Variants in CTPS1 observed in about 807,000 individuals in gnomAD.
CTPS1 encodes CTP synthetase 1.
A neutral mutation model predicts 80.5 loss-of-function variants in CTPS1; 25 were observed. The ratio of observed to expected loss-of-function variants is 0.31; its 90% CI spans 0.23 to 0.43. The LOEUF (loss-of-function observed/expected upper bound fraction) is 0.43, where lower values mean the gene tolerates loss of function less well. Ranked by LOEUF, CTPS1 falls within the 20% of genes least tolerant of loss-of-function variation. CTPS1 has a pLI of 1.00. For missense variants in CTPS1, 442 were observed against 725.7 expected (o/e 0.61, Z 4.49); for synonymous variants, 267 against 252.5 (o/e 1.06, Z -0.54).
chr1:40,981,584 G>A (rs186571794), intron 1 of CTPS1, among the ~76,000 whole-genome samples: 17 of 152,292 alleles, frequency 1.1e-4, no homozygotes, highest in Admixed American at 1.0e-3. Context: ...GAGAGACTTA[G>A]GGTCAGATAA....
intron 5 of CTPS1, among the ~76,000 whole-genome samples, chr1:40,988,995 C>T (rs1053645059): frequency 1.3e-5 from 2 of 152,120 alleles, no homozygotes; most frequent in Admixed American, 1.3e-4. Context: ...TTTTTAAAGA[C>T]AAATCTTGTG....
chr1:40,979,873 G>C (rs1487097569), intron 1 of CTPS1, 44 bp downstream of exon 1: 1 of 152,188 alleles, frequency 6.6e-6, no homozygotes, highest in African/African-American at 2.4e-5. Flanking sequence ...GTTCTCCCGC[G>C]CAGGAGTCAG....
chr1:41,002,904 C>T (rs549118405), intron 11 of CTPS1, among the ~76,000 whole-genome samples: 1 of 152,286 alleles, frequency 6.6e-6, no homozygotes, highest in South Asian at 2.1e-4. Context: ...CTTTGCAAAT[C>T]TAGAATTTTC....
intron 13 of CTPS1, 83 bp downstream of exon 13, chr1:41,006,177 G>T: frequency 5.1e-6 from 6 of 1,165,068 alleles, no homozygotes; most frequent in Admixed American, 3.6e-5. Flanking sequence ...TTAGAGACAA[G>T]AAGTGAGACT....
intron 12 of CTPS1, among the ~76,000 whole-genome samples, chr1:41,005,720 A>T (rs1251783160): frequency 6.6e-6 from 1 of 152,112 alleles, no homozygotes; most frequent in African/African-American, 2.4e-5. Context: ...TAGCCTGGCA[A>T]TATAGCCTTT....
At chr1:41,004,551 G>A (rs1018694728) in intron 12 of CTPS1, among the ~76,000 whole-genome samples, 9 of 152,208 alleles carry the variant, frequency 5.9e-5, no homozygotes, top group African/African-American at 2.2e-4. Context: ...TTACACTTCA[G>A]TTGAGACTGG....
rs1273058626 is a variant in CTPS1 at position 40,997,513 on chromosome 1, A to C, written c.992A>C (p.Lys331Thr). ...LEHSALAINHKLEIKYIDSAD... is the reference protein window; with the variant it reads ...LEHSALAINHTLEIKYIDSAD... ...CATTCTGCACTGGCCATCAACCACA[A>C]ATTGGAAATCAAGGTAAGGAGGGTG... The change falls in exon 9 of 19, where the codon AAA (lysine) becomes ACA (threonine). Residue 331 changes from lysine (K) to threonine (T), a missense_variant. Lys to Thr is a moderately conservative substitution (Grantham distance 78). This residue lies in a region of CTPS1 where 321 missense variants were observed against 467.2 expected (regional missense o/e 0.69). Coordinates refer to ENST00000650070, the MANE Select transcript of CTPS1 (RefSeq NM_001905.4). 6.2e-7 allele frequency: 1 copy of C among 1,613,802 alleles called. No individual in the cohort carries two copies. Among genetic ancestry groups the C allele is most frequent in the Admixed American group, 1.7e-5 (1 of 59,948 alleles).
intron 18 of CTPS1, among the ~76,000 whole-genome samples, 190 bp downstream of exon 18, chr1:41,010,444 G>A (rs1643143816): frequency 6.6e-6 from 1 of 152,208 alleles, no homozygotes; most frequent in Non-Finnish European, 1.5e-5. Context: ...CAAATGGGCA[G>A]CCCTTCCTCC....
rs533528542 is a variant in CTPS1 at position 40,994,068 on chromosome 1, C to T, written c.721-1849C>T. 1.8e-4 allele frequency among the ~76,000 whole-genome samples: 28 copies of T among 152,230 alleles called. 1 individual carries two copies. Among genetic ancestry groups the T allele is most frequent in the South Asian group, 8.3e-4 (4 of 4,822 alleles). On this transcript the variant is annotated intron_variant, in intron 7 of 18. Coordinates refer to ENST00000650070, the MANE Select transcript of CTPS1 (RefSeq NM_001905.4). Reference sequence around the variant, plus strand: ...TGCTGGGATTACAGGTGTGAGCCACCGCACCTGGCCTTCATTTTCTTAATA... The same window carrying T: ...TGCTGGGATTACAGGTGTGAGCCACTGCACCTGGCCTTCATTTTCTTAATA...
chr1:41,009,741 C>T (rs938344139), intron 17 of CTPS1, 152 bp downstream of exon 17: 3 of 921,162 alleles, frequency 3.3e-6, no homozygotes, highest in Non-Finnish European at 3.2e-6. Context: ...CCGGAGCTTT[C>T]TCACGGTGTT....
rs981235125 is a variant in CTPS1, at chr1:41,002,163, A to C, written c.1098A>C (p.Gly366=). 20 of 1,613,942 alleles carry C rather than the reference A, an allele frequency of 1.2e-5. No homozygotes were observed. Among genetic ancestry groups the C allele is most frequent in the Non-Finnish European group, 1.7e-5 (20 of 1,179,952 alleles). Residue 366 remains glycine (G), a synonymous_variant, in exon 11 of 19, where the codon GGA becomes GGC. Coordinates refer to ENST00000650070, the MANE Select transcript of CTPS1 (RefSeq NM_001905.4). ...TGTGGTTTGTTCTTTTGTGCAGTGG[A>C]GTGCTGGTTCCAGGAGGATTTGGTG... ...EAWQKLCSAH[G]VLVPGGFGVR... is the part of the protein sequence containing the mutation.
chr1:40,980,307 GCCGC>G lies in CTPS1; in HGVS notation c.-14+482_-14+485del, dbSNP rs1351089983. On this transcript the variant is annotated intron_variant, in intron 1 of 18. Transcript: ENST00000650070. ...GGCCTCCGGCCTCGGCGCGGGCTCA[GCCGC>G]CCGGGGCTGGGCGCGGCAGCTCCGC... 4 of 151,970 alleles carry G rather than the reference GCCGC, an allele frequency of 2.6e-5. 1 individual carries two copies. Among genetic ancestry groups the G allele is most frequent in the Non-Finnish European group, 5.9e-5 (4 of 67,972 alleles). The allele number at this position is 151,970 out of a possible 1,614,324, so 9.4% of individuals were successfully genotyped here. A position where few individuals can be genotyped will look rare whatever the true frequency, so the allele number is the denominator to read the frequency against.
chr1:40,993,772 CTCTT>C (rs1642678255), intron 7 of CTPS1, among the ~76,000 whole-genome samples: 1 of 118,312 alleles, frequency 8.5e-6, no homozygotes, highest in African/African-American at 2.8e-5. Flanking sequence ...ATTTTCTTCT[CTCTT>C]TTTTTTTTTT....
At chr1:41,000,473 G>A (rs1015480157) in intron 9 of CTPS1, among the ~76,000 whole-genome samples, 3 of 149,608 alleles carry the variant, frequency 2.0e-5, no homozygotes, top group African/African-American at 2.5e-5. Context: ...GGCTAGTCTC[G>A]AACTCCTGAC....
rs1298909394 is a variant in CTPS1, at chr1:40,983,332, T to C, written c.42T>C (p.Ile14=). The C allele has an allele frequency of 6.2e-7, 1 of 1,613,992 alleles. No individual in the cohort carries two copies. Among genetic ancestry groups the C allele is most frequent in the African/African-American group, 1.3e-5 (1 of 74,926 alleles). The change falls in exon 2 of 19, where the codon ATT becomes ATC. Residue 14 remains isoleucine, a synonymous_variant. Transcript: ENST00000650070. The part of the protein sequence containing the change: ...ILVTGGVISG[I]GKGIIASSVG... ...TTACTGGTGGTGTTATATCAGGAAT[T>C]GGAAAAGGAATCATTGCCAGCAGTG...
At chr1:40,994,184 G>C (rs1642695428) in intron 7 of CTPS1, among the ~76,000 whole-genome samples, 1 of 152,092 alleles carries the variant, frequency 6.6e-6, no homozygotes, top group Non-Finnish European at 1.5e-5. Flanking sequence ...TCGTGTCTAA[G>C]AACTCCTTGC....
rs552737439 is a variant in CTPS1 at position 41,009,546 on chromosome 1, C to T, written c.1648C>T (p.Arg550Trp). 1.2e-5 allele frequency: 20 copies of T among 1,614,076 alleles called. No homozygotes were observed. The highest frequency in any genetic ancestry group is 2.7e-5 in the African/African-American group (2 of 75,002). ...TGGCCTCCTCCTGGCCTCTGTGGGG[C>T]GGCTCTCACATTACCTCCAGAAAGG... The part of the protein sequence containing the change: ...YFGLLLASVG[R>W]LSHYLQKGCR... The change falls in exon 17 of 19, where the codon CGG becomes TGG. Residue 550 changes from arginine to tryptophan, a missense_variant. Physicochemically the swap from Arg to Trp is moderately radical, Grantham distance 101. Around this residue, in one of 4 missense-constraint regions of CTPS1, gnomAD observed 321 missense variants for 467.2 expected, o/e 0.69. Transcript: ENST00000650070.
At chr1:40,990,048 G>A (rs1642561401) in intron 5 of CTPS1, among the ~76,000 whole-genome samples, 1 of 151,882 alleles carries the variant, frequency 6.6e-6, no homozygotes, top group Non-Finnish European at 1.5e-5. Flanking sequence ...GTCAGCAAAT[G>A]ATGGCCTATG....
intron 1 of CTPS1, among the ~76,000 whole-genome samples, chr1:40,982,456 C>G (rs1642338649): frequency 6.6e-6 from 1 of 151,532 alleles, no homozygotes. Flanking sequence ...GTGGCATGAT[C>G]CCAGCTCACT....
Sources: allele counts gnomAD v4.1 joint callset (sites outside exome capture counted in the v4.1 genomes callset), GRCh38; gene constraint gnomAD v4.1.1; regional missense constraint gnomAD v4.1.1; transcripts MANE v1.5; gene names NCBI Gene and HGNC (gene_info 2026-07-23, HGNC 2026-07-21).